The following C18orf63 variants were observed in gnomAD, a reference collection of about 807,000 sequenced individuals.
The protein encoded by C18orf63 is chromosome 18 open reading frame 63, also known as uncharacterized protein C18orf63.
C18orf63 carries 50 observed loss-of-function variants against 75.3 expected under a neutral mutation model. That is an observed-to-expected ratio of 0.66 (90% CI 0.53 to 0.84). The LOEUF is 0.84. Ranked by LOEUF, C18orf63 falls within the 40% of genes least tolerant of loss-of-function variation. The probability of loss-of-function intolerance (pLI) is 0.00; values close to 1 mark genes in which losing one functional copy is unlikely to be tolerated. For missense variants in C18orf63, 732 were observed against 800.2 expected (o/e 0.91, Z 1.03); for synonymous variants, 232 against 267.6 (o/e 0.87, Z 1.30).
At chr18:74,337,623 T>C (rs570090698) in intron 7 of C18orf63, among the ~76,000 whole-genome samples, 2 of 152,298 alleles carry the variant, frequency 1.3e-5, no homozygotes, top group African/African-American at 2.4e-5. Flanking sequence ...TTCAGGCAAC[T>C]GATCTCTTAA....
Position 74,327,948 on chromosome 18 carries a change from T to C in C18orf63, c.272T>C (p.Met91Thr). 1.3e-6 allele frequency: 2 copies of C among 1,528,632 alleles called. No individual in the cohort carries two copies. Among genetic ancestry groups the C allele is most frequent in the Non-Finnish European group, 1.8e-6 (2 of 1,140,140 alleles). 94.7% of individuals were successfully genotyped at this position (1,528,632 alleles called of 1,614,324 possible). ...NAYVEKYGAK[M>T]EAPQRVIPVI... ...TATTTTGCCATTTAATATTTTTAGA[T>C]GGAGGCTCCACAAAGAGTAATTCCT... The change falls in exon 5 of 14, where the codon ATG becomes ACG. Residue 91 changes from methionine (M) to threonine (T), a missense_variant and splice_region_variant. Physicochemically the swap from Met to Thr is moderately conservative, Grantham distance 81 (BLOSUM62 -1). Transcript: ENST00000579455.
In C18orf63 at chr18:74,342,123, G is replaced by A. The variant is rs1478622396; in HGVS notation, c.703G>A (p.Ala235Thr). The A allele has an allele frequency of 2.7e-5, 40 of 1,495,482 alleles. No individual in the cohort carries two copies. The highest frequency in any genetic ancestry group is 3.2e-5 in the Non-Finnish European group (36 of 1,110,754). The allele number at this position is 1,495,482 out of a possible 1,614,324, so 92.6% of individuals were successfully genotyped here. The change falls in exon 9 of 14, where the codon GCC becomes ACC. Residue 235 changes from alanine to threonine, a missense_variant. Physicochemically the swap from Ala to Thr is moderately conservative, Grantham distance 58. Transcript: ENST00000579455. ...SYGDFQRHWD[A>T]LYGYKLPGDC... ...TGGAGATTTCCAGAGACACTGGGAT[G>A]CCCTGGTAAGGAATGGAAATATATG... is the stretch of plus-strand genomic sequence containing the variant.
chr18:74,325,313 A>G (rs558422154), intron 4 of C18orf63, among the ~76,000 whole-genome samples: 5 of 152,282 alleles, frequency 3.3e-5, no homozygotes, highest in Admixed American at 6.5e-5. Flanking sequence ...AGTGTGTTAT[A>G]TAGTTTCCAA....
intron 8 of C18orf63, among the ~76,000 whole-genome samples, chr18:74,340,858 G>A (rs1260631827): frequency 2.0e-5 from 3 of 152,134 alleles, no homozygotes; most frequent in Admixed American, 6.5e-5. Flanking sequence ...GTAGGTGGGA[G>A]TGAAGGAGTG....
chr18:74,338,632 T>C, intron 7 of C18orf63, 83 bp from the exon 8 acceptor site: 1 of 504,062 alleles, frequency 2.0e-6, no homozygotes, highest in Non-Finnish European at 3.3e-6. Flanking sequence ...CTACTGTGTG[T>C]GTGTAACAAA....
At chr18:74,325,308 G>A (rs1984190104) in intron 4 of C18orf63, among the ~76,000 whole-genome samples, 1 of 152,100 alleles carries the variant, frequency 6.6e-6, no homozygotes, top group African/African-American at 2.4e-5. Context: ...TTTGAAGTGT[G>A]TTATATAGTT....
chr18:74,316,246 C>T (rs1984021641), intron 1 of C18orf63, 137 bp downstream of exon 1: 1 of 152,178 alleles, frequency 6.6e-6, no homozygotes, highest in South Asian at 2.1e-4. Flanking sequence ...TATTCATCTG[C>T]AAAGACCCAT....
intron 13 of C18orf63, among the ~76,000 whole-genome samples, chr18:74,355,657 C>T (rs1006187012): frequency 2.0e-5 from 3 of 151,924 alleles, no homozygotes; most frequent in African/African-American, 7.3e-5. Flanking sequence ...TGGTGGCTCA[C>T]GCCTGTAATT....
In C18orf63 at chr18:74,356,402, AATAC is replaced by A. The variant is rs1361505518; in HGVS notation, c.*34-74_*34-71del. 3 of 152,726 alleles carry A rather than the reference AATAC, an allele frequency of 2.0e-5. No individual in the cohort carries two copies. In the East Asian group the frequency reaches 5.8e-4, roughly 30 times the overall value. The allele number at this position is 152,726 out of a possible 1,614,324, so 9.5% of individuals were successfully genotyped here. On this transcript the variant is annotated intron_variant, in intron 13 of 13. Coordinates refer to ENST00000579455, the MANE Select transcript of C18orf63 (RefSeq NM_001174123.2). ...AATAATTTCCCCTAAATATAAAATTAATACATACTCCTATACTTGAGTAGTACAG... is the reference window on the plus strand; with the variant it reads ...AATAATTTCCCCTAAATATAAAATTAATACTCCTATACTTGAGTAGTACAG...
At chr18:74,330,078 A>G (rs1984278871) in intron 6 of C18orf63, among the ~76,000 whole-genome samples, 1 of 152,130 alleles carries the variant, frequency 6.6e-6, no homozygotes, top group South Asian at 2.1e-4. Context: ...TGGGTTCATT[A>G]CCTACATCTA....
In C18orf63 at chr18:74,330,847, T is replaced by C; in HGVS notation, c.425-19T>C. On this transcript the variant is annotated intron_variant, in intron 6 of 13. Coordinates refer to ENST00000579455, the MANE Select transcript of C18orf63 (RefSeq NM_001174123.2). ...AGTAATAATTCCAGGTAGTTCACAG[T>C]TAAATATTTTATTTTCAGTATTAAA... The C allele has an allele frequency of 1.0e-6, 1 of 976,784 alleles. No homozygotes were observed. Among genetic ancestry groups the C allele is most frequent in the Non-Finnish European group, 1.5e-6 (1 of 665,240 alleles). The allele number at this position is 976,784 out of a possible 1,614,324, so 60.5% of individuals were successfully genotyped here.
At chr18:74,323,816 T>C (rs1045419634) in intron 4 of C18orf63, among the ~76,000 whole-genome samples, 1 of 152,226 alleles carries the variant, frequency 6.6e-6, no homozygotes, top group Admixed American at 6.5e-5. Flanking sequence ...GGTTTGCACC[T>C]TCTCCCCTTG....
rs1984051845 is a variant in C18orf63 at position 74,317,830 on chromosome 18, A to G, written c.-32-4A>G. 1 of 1,487,936 alleles carries G rather than the reference A, an allele frequency of 6.7e-7. No homozygotes were observed. Among genetic ancestry groups the G allele is most frequent in the Admixed American group, 2.3e-5 (1 of 44,072 alleles). 92.2% of individuals were successfully genotyped at this position (1,487,936 alleles called of 1,614,324 possible). A position where few individuals can be genotyped will look rare whatever the true frequency, so the allele number is the denominator to read the frequency against. On this transcript the variant is annotated splice_region_variant and splice_polypyrimidine_tract_variant and intron_variant, in intron 1 of 13. Transcript: ENST00000579455. ...CTACCTTTTTTTGCTGTTTATTTTT[A>G]AAGGCCTGATTGCTGAGACACTCAG... is the stretch of plus-strand genomic sequence containing the variant.
chr18:74,329,959 A>G (rs1490449441), intron 6 of C18orf63, among the ~76,000 whole-genome samples: 4 of 152,120 alleles, frequency 2.6e-5, no homozygotes, highest in Non-Finnish European at 5.9e-5. Context: ...TGTAATCTAC[A>G]GCTATTAGAT....
intron 7 of C18orf63, among the ~76,000 whole-genome samples, chr18:74,333,231 C>T (rs996217829): frequency 1.3e-5 from 2 of 152,218 alleles, no homozygotes; most frequent in South Asian, 2.1e-4. Flanking sequence ...AACCTTAGGC[C>T]TCCCTTGGGA....
intron 7 of C18orf63, among the ~76,000 whole-genome samples, chr18:74,331,765 G>GC (rs1247486466): frequency 6.6e-6 from 1 of 152,162 alleles, no homozygotes; most frequent in Non-Finnish European, 1.5e-5. Context: ...TGCTTAGAAT[G>GC]CCCCTCTGAT....
chr18:74,337,304 G>A (rs989375751), intron 7 of C18orf63, among the ~76,000 whole-genome samples: 3 of 152,068 alleles, frequency 2.0e-5, no homozygotes, highest in Non-Finnish European at 4.4e-5. Context: ...GAACAGCTGG[G>A]TGGTTTGCCA....
chr18:74,326,329 T>A (rs1984206814), intron 4 of C18orf63, among the ~76,000 whole-genome samples: 1 of 152,234 alleles, frequency 6.6e-6, no homozygotes, highest in Non-Finnish European at 1.5e-5. Context: ...GCATGTCCTT[T>A]TTCACAGAGG....
chr18:74,341,567 C>A (rs1014570154), intron 8 of C18orf63, among the ~76,000 whole-genome samples: 1 of 152,016 alleles, frequency 6.6e-6, no homozygotes, highest in Non-Finnish European at 1.5e-5. Flanking sequence ...GTAATCCCAG[C>A]TGGCGGCTAA....
Sources: allele counts gnomAD v4.1 joint callset (sites outside exome capture counted in the v4.1 genomes callset), GRCh38; gene constraint gnomAD v4.1.1; transcripts MANE v1.5; gene names NCBI Gene and HGNC (gene_info 2026-07-23, HGNC 2026-07-21).